IL1RAPL1: variants seen among roughly 807,000 people sequenced by gnomAD.
The protein encoded by IL1RAPL1 is interleukin-1 receptor accessory protein-like 1.
Under a neutral mutation model 48.4 loss-of-function variants are expected in IL1RAPL1, and 3 were observed. The ratio of observed to expected loss-of-function variants is 0.06; its 90% CI spans 0.03 to 0.16. The LOEUF (loss-of-function observed/expected upper bound fraction) is 0.16, where lower values mean the gene tolerates loss of function less well. Ranked by LOEUF, IL1RAPL1 falls within the 10% of genes least tolerant of loss-of-function variation. The pLI is 1.00. For synonymous variants in IL1RAPL1, 185 were observed against 187.7 expected (o/e 0.99, Z 0.12); for missense variants, 349 against 530.6 (o/e 0.66, Z 3.36).
intron 2 of IL1RAPL1, among the ~76,000 whole-genome samples, chrX:28,796,764 T>C (rs1371173365): frequency 9.0e-6 from 1 of 111,421 alleles, no homozygotes; most frequent in Non-Finnish European, 1.9e-5. Context: ...TCTACCATTC[T>C]GGAGTCTTGA....
chrX:29,731,746 C>G (rs1288374032), intron 6 of IL1RAPL1, among the ~76,000 whole-genome samples: 1 of 112,112 alleles, frequency 8.9e-6, no homozygotes, highest in Non-Finnish European at 1.9e-5. Context: ...TTCTGTCTTC[C>G]TCACTTACTA....
At chrX:29,088,689 A>G (rs190491255) in intron 2 of IL1RAPL1, among the ~76,000 whole-genome samples, 494 of 108,418 alleles carry the variant, frequency 4.6e-3, no homozygotes, top group Non-Finnish European at 6.7e-3. Context: ...AAAAAAAAAA[A>G]AAAAAAGAAA....
At chrX:29,899,638 G>C (rs896662506) in intron 6 of IL1RAPL1, among the ~76,000 whole-genome samples, 3 of 108,643 alleles carry the variant, frequency 2.8e-5, no homozygotes, top group Non-Finnish European at 5.7e-5. Flanking sequence ...CCCCCTCCTG[G>C]GTTCAAATGA....
At chrX:29,775,526 C>T (rs185219429) in intron 6 of IL1RAPL1, among the ~76,000 whole-genome samples, 1 of 111,301 alleles carries the variant, frequency 9.0e-6, no homozygotes, top group East Asian at 2.8e-4. Context: ...GAAGGGAGGT[C>T]ACTGGTGAAC....
intron 2 of IL1RAPL1, among the ~76,000 whole-genome samples, chrX:29,083,963 T>C (rs1320611850): frequency 3.6e-5 from 4 of 111,142 alleles, no homozygotes; most frequent in Non-Finnish European, 7.5e-5. Flanking sequence ...GGTTAGGATA[T>C]TGTTGGGGAA....
intron 2 of IL1RAPL1, among the ~76,000 whole-genome samples, chrX:29,078,829 T>C (rs1927740886): frequency 1.8e-5 from 2 of 111,945 alleles, no homozygotes; most frequent in Admixed American, 1.9e-4. Flanking sequence ...ATTATGATAA[T>C]TTCAAAAACC....
At chrX:29,890,791 G>A (rs1004389791) in intron 6 of IL1RAPL1, among the ~76,000 whole-genome samples, 1 of 111,854 alleles carries the variant, frequency 8.9e-6, no homozygotes, top group African/African-American at 3.3e-5. Context: ...CACGGCATCT[G>A]GGTCTTCAAA....
chrX:29,428,388 T>C (rs1423255142), intron 5 of IL1RAPL1, among the ~76,000 whole-genome samples: 2 of 111,557 alleles, frequency 1.8e-5, no homozygotes, highest in African/African-American at 6.5e-5. Context: ...AAGCATTAAA[T>C]GACATTAATC....
intron 5 of IL1RAPL1, among the ~76,000 whole-genome samples, chrX:29,623,461 T>C (rs927058801): frequency 9.0e-6 from 1 of 111,725 alleles, no homozygotes; most frequent in Non-Finnish European, 1.9e-5. Context: ...TAGTATCCTA[T>C]GGTTATAAAG....
At chrX:29,706,745 T>G (rs1927210273) in intron 6 of IL1RAPL1, among the ~76,000 whole-genome samples, 1 of 111,659 alleles carries the variant, frequency 9.0e-6, no homozygotes, top group Non-Finnish European at 1.9e-5. Context: ...GGAAGCCACA[T>G]GTAGAAGAAT....
chrX:28,972,970 G>A (rs995249750), intron 2 of IL1RAPL1, among the ~76,000 whole-genome samples: 20 of 110,997 alleles, frequency 1.8e-4, no homozygotes, highest in African/African-American at 6.5e-4. Context: ...TGTTGGTCAT[G>A]CCCTTCCTGC....
intron 1 of IL1RAPL1, among the ~76,000 whole-genome samples, chrX:28,676,349 T>C (rs1934996729): frequency 8.9e-6 from 1 of 112,116 alleles, no homozygotes; most frequent in Non-Finnish European, 1.9e-5. Flanking sequence ...TCATCACAGA[T>C]TAAACACCAA....
intron 5 of IL1RAPL1, among the ~76,000 whole-genome samples, chrX:29,577,074 A>T (rs112214067): frequency 8.1e-4 from 91 of 111,897 alleles, no homozygotes; most frequent in African/African-American, 2.7e-3. Context: ...GCCACTCAAA[A>T]TTATGCATTC....
intron 6 of IL1RAPL1, among the ~76,000 whole-genome samples, chrX:29,692,589 C>G (rs1301310315): frequency 8.9e-6 from 1 of 112,164 alleles, no homozygotes; most frequent in Non-Finnish European, 1.9e-5. Context: ...CTATAGCAGC[C>G]TATTCTTGTC....
intron 6 of IL1RAPL1, among the ~76,000 whole-genome samples, chrX:29,732,830 C>T (rs1236476968): frequency 8.9e-6 from 1 of 112,086 alleles, no homozygotes; most frequent in African/African-American, 3.2e-5. Context: ...ACCAGCTTTT[C>T]CCTTTTGCAA....
intron 3 of IL1RAPL1, among the ~76,000 whole-genome samples, chrX:29,302,730 A>G (rs753539590): frequency 9.0e-6 from 1 of 111,453 alleles, no homozygotes; most frequent in South Asian, 3.8e-4. Flanking sequence ...GCGGTCATTT[A>G]GCAGCAGTGT....
chrX:28,627,439 A>G (rs1009003324), intron 1 of IL1RAPL1, among the ~76,000 whole-genome samples: 37 of 111,941 alleles, frequency 3.3e-4, no homozygotes, highest in African/African-American at 1.2e-3. Context: ...CTTAGGAAGC[A>G]AAAACATTAA....
chrX:29,569,644 A>AG (rs1491128827), intron 5 of IL1RAPL1, among the ~76,000 whole-genome samples: 27 of 99,041 alleles, frequency 2.7e-4, no homozygotes, highest in Non-Finnish European at 4.7e-4. Flanking sequence ...AAAAAAAAAA[A>AG]CAACTGCCAT....
chrX:28,706,481 C>T (rs1302324731), intron 1 of IL1RAPL1, among the ~76,000 whole-genome samples: 2 of 107,568 alleles, frequency 1.9e-5, no homozygotes, highest in Non-Finnish European at 3.9e-5. Flanking sequence ...GGTGTGATCT[C>T]GGCTCACTGC....
Sources: gnomAD v4.1 joint callset for allele counts (sites outside exome capture counted in the v4.1 genomes callset) on GRCh38, gnomAD v4.1.1 for gene constraint, MANE v1.5 for transcripts, NCBI Gene and HGNC (gene_info 2026-07-23, HGNC 2026-07-21) for gene names.